The following SH3BP2 variants were observed in gnomAD, a reference collection of about 807,000 sequenced individuals.
SH3BP2 encodes the protein SH3 domain binding protein 2, also known as SH3 domain-binding protein 2.
A neutral mutation model predicts 56.2 loss-of-function variants in SH3BP2; 38 were observed. The observed-to-expected ratio is 0.68, with a 90% CI of 0.52 to 0.89. The LOEUF (loss-of-function observed/expected upper bound fraction) is 0.89, where lower values mean the gene tolerates loss of function less well. SH3BP2 is among the 40% of genes least tolerant of loss of function. The pLI is 0.00. For synonymous variants in SH3BP2, 346 were observed against 316.7 expected (o/e 1.09, Z -0.98); for missense variants, 748 against 762.6 (o/e 0.98, Z 0.23).
chr4:2,804,057 C>T (rs1366722566), intron 1 of SH3BP2, among the ~76,000 whole-genome samples: 3 of 152,292 alleles, frequency 2.0e-5, no homozygotes, highest in Non-Finnish European at 4.4e-5. Flanking sequence ...GCTGACCAGC[C>T]TCACCATGAC....
intron 10 of SH3BP2, 64 bp from the exon 11 acceptor site, chr4:2,832,267 G>C (rs1342534500): frequency 3.0e-6 from 4 of 1,350,886 alleles, no homozygotes; most frequent in Non-Finnish European, 4.3e-6. Flanking sequence ...GGAGCGGGGC[G>C]GGAAGGTCCG....
In SH3BP2 at chr4:2,839,264, G is replaced by C. The variant is rs1725338671; in HGVS notation, c.*5430G>C. 6.6e-6 allele frequency: 1 copy of C among 151,130 alleles called. No homozygotes were observed. The highest frequency in any genetic ancestry group is 2.1e-4 in the South Asian group (1 of 4,808). The allele number at this position is 151,130 out of a possible 1,614,324, so 9.4% of individuals were successfully genotyped here. A position where few individuals can be genotyped will look rare whatever the true frequency, so the allele number is the denominator to read the frequency against. On this transcript the variant is annotated 3_prime_UTR_variant, in exon 13 of 13. Transcript: ENST00000503393. Reference sequence around the variant, plus strand: ...TCAGCTCACTGCAGCCTTGAGTCAGGCTCAGGTGATTCTCTCACCTCAGCC... The same window carrying C: ...TCAGCTCACTGCAGCCTTGAGTCAGCCTCAGGTGATTCTCTCACCTCAGCC...
In SH3BP2 at chr4:2,840,244, A is replaced by G. The variant is rs893031333; in HGVS notation, c.*6410A>G. The G allele has an allele frequency of 6.6e-6, 1 of 151,598 alleles. No homozygotes were observed. The highest frequency in any genetic ancestry group is 2.4e-5 in the African/African-American group (1 of 41,270). The allele number at this position is 151,598 out of a possible 1,614,324, so 9.4% of individuals were successfully genotyped here. A position where few individuals can be genotyped will look rare whatever the true frequency, so the allele number is the denominator to read the frequency against. On this transcript the variant is annotated 3_prime_UTR_variant, in exon 13 of 13. Coordinates refer to ENST00000503393, the MANE Select transcript of SH3BP2 (RefSeq NM_001122681.2). ...TATCTCAAAAAAAACCAAAAAAAAA[A>G]AAAAAAAAAAGAAAACCACTGAAAT...
chr4:2,811,713 TG>T (rs1403394082), intron 1 of SH3BP2: 1 of 155,422 alleles, frequency 6.4e-6, no homozygotes, highest in Admixed American at 6.2e-5. Flanking sequence ...GTGAAAAGGC[TG>T]GGGATAGAGT....
intron 5 of SH3BP2, among the ~76,000 whole-genome samples, chr4:2,826,075 C>T (rs1724598448): frequency 6.6e-6 from 1 of 152,250 alleles, no homozygotes; most frequent in South Asian, 2.1e-4. Flanking sequence ...CAGCCTCGGG[C>T]CCAGCCCAGA....
intron 1 of SH3BP2, among the ~76,000 whole-genome samples, chr4:2,802,712 T>TAC (rs1247512327): frequency 3.6e-5 from 5 of 138,856 alleles, no homozygotes; most frequent in South Asian, 4.3e-4. Flanking sequence ...TATATCTATA[T>TAC]ACACACACAC....
intron 1 of SH3BP2, chr4:2,809,661 C>A: frequency 3.1e-6 from 1 of 322,318 alleles, no homozygotes; most frequent in Non-Finnish European, 4.5e-6. Flanking sequence ...GGTGCCAGGG[C>A]AGGGTCAGCT....
At position 2,838,131 on chromosome 4, in the gene SH3BP2, A is replaced by G. The variant is rs1725298287; in HGVS notation, c.*4297A>G. The G allele has an allele frequency of 6.6e-6, 1 of 152,248 alleles. No homozygotes were observed. Among genetic ancestry groups the G allele is most frequent in the Non-Finnish European group, 1.5e-5 (1 of 68,054 alleles). The allele number at this position is 152,248 out of a possible 1,614,324, so 9.4% of individuals were successfully genotyped here. On this transcript the variant is annotated 3_prime_UTR_variant, in exon 13 of 13. Transcript: ENST00000503393. ...CCCTTTTTCATTCATTTCCTGCAGA[A>G]TAAAACAACATACAGAAAAGTGAAT...
rs1200148274 is a variant in SH3BP2, at chr4:2,837,029, A to C, written c.*3195A>C. On this transcript the variant is annotated 3_prime_UTR_variant, in exon 13 of 13. Coordinates refer to ENST00000503393, the MANE Select transcript of SH3BP2 (RefSeq NM_001122681.2). ...AGCCCCGTGCCTTCAGTTAATAAAG[A>C]TTTGTATTGTGAAAAGATTTTTTCT... 6.6e-6 allele frequency: 1 copy of C among 151,872 alleles called. No homozygotes were observed. The highest frequency in any genetic ancestry group is 1.5e-5 in the Non-Finnish European group (1 of 68,018). The allele number at this position is 151,872 out of a possible 1,614,324, so 9.4% of individuals were successfully genotyped here.
At chr4:2,798,899 A>G in intron 1 of SH3BP2, 3 of 846,360 alleles carry the variant, frequency 3.5e-6, no homozygotes, top group South Asian at 1.1e-4. Context: ...GGGCAGGGAC[A>G]GGAAGTGCAG....
Position 2,830,058 on chromosome 4 carries a change from G to T in SH3BP2, c.1152G>T (p.Arg384=). Residue 384 remains arginine, a synonymous_variant, in exon 8 of 13, where the codon CGG becomes CGT. Coordinates refer to ENST00000503393, the MANE Select transcript of SH3BP2 (RefSeq NM_001122681.2). The part of the protein sequence containing the change: ...PGLFVPPVAP[R]PPALKLPVPE... ...TCTTTGTGCCCCCCGTGGCTCCCCG[G>T]CCTCCTGCGCTGAAGCTGCCAGTGC... The T allele has an allele frequency of 6.2e-7, 1 of 1,611,634 alleles. No individual in the cohort carries two copies.
intron 1 of SH3BP2, among the ~76,000 whole-genome samples, chr4:2,795,980 C>G (rs1405428944): frequency 6.6e-6 from 1 of 152,184 alleles, no homozygotes; most frequent in Non-Finnish European, 1.5e-5. Flanking sequence ...GCATTTCAGG[C>G]TCACTGGCTG....
chr4:2,813,012 G>A (rs2108714830), intron 1 of SH3BP2, among the ~76,000 whole-genome samples: 1 of 152,322 alleles, frequency 6.6e-6, no homozygotes, highest in African/African-American at 2.4e-5. Flanking sequence ...TGTGCTCGCA[G>A]AGCCCAGGCT....
chr4:2,820,312 C>T (rs148780447), intron 1 of SH3BP2, among the ~76,000 whole-genome samples: 6 of 152,310 alleles, frequency 3.9e-5, no homozygotes, highest in South Asian at 2.1e-4. Context: ...TGGGGCCTTG[C>T]GCTCAGTGGC....
chr4:2,832,563 C>T (rs1725048427), intron 11 of SH3BP2, 151 bp downstream of exon 11: 1 of 721,166 alleles, frequency 1.4e-6, no homozygotes, highest in Non-Finnish European at 2.5e-6. Context: ...CAGCACCCCC[C>T]AATCTATTCC....
At chr4:2,802,590 GTTTGTATATA>G (rs1272897684) in intron 1 of SH3BP2, among the ~76,000 whole-genome samples, 2 of 130,066 alleles carry the variant, frequency 1.5e-5, no homozygotes, top group African/African-American at 3.3e-5. Context: ...GTATATATAT[GTTTGTATATA>G]TGTGTATATA....
At chr4:2,802,781 C>CTTA in intron 1 of SH3BP2, among the ~76,000 whole-genome samples, 1 of 152,032 alleles carries the variant, frequency 6.6e-6, no homozygotes, top group East Asian at 1.9e-4. Flanking sequence ...AAAGACCTAA[C>CTTA]CCTCAAGTGC....
Position 2,829,754 on chromosome 4 carries a change from G to C in SH3BP2, c.848G>C (p.Ser283Thr). The C allele has an allele frequency of 6.2e-7, 1 of 1,612,960 alleles. No homozygotes were observed. The highest frequency in any genetic ancestry group is 1.1e-5 in the South Asian group (1 of 91,062). ...TPRRMSDPPL[S>T]TMPTAPGLRK... ...CGAAGGATGAGCGATCCCCCTCTGA[G>C]CACCATGCCCACCGCACCCGGCCTC... The change falls in exon 8 of 13, where the codon AGC becomes ACC. Residue 283 changes from serine (S) to threonine (T), a missense_variant. Coordinates refer to ENST00000503393, the MANE Select transcript of SH3BP2 (RefSeq NM_001122681.2). This position sits in a 1 kb window ranked among gnomAD's most constrained non-coding sequence, Gnocchi z 4.9.
chr4:2,809,756 G>T (rs1046506260), intron 1 of SH3BP2: 8 of 984,178 alleles, frequency 8.1e-6, no homozygotes, highest in East Asian at 1.1e-4. Context: ...CCCAGTGAAA[G>T]CTCCCTCCCT....
Sources: gnomAD v4.1 joint callset for allele counts (sites outside exome capture counted in the v4.1 genomes callset) on GRCh38, gnomAD v4.1.1 for gene constraint, Gnocchi (gnomAD v3.1) non-coding constraint, MANE v1.5 for transcripts, NCBI Gene and HGNC (gene_info 2026-07-23, HGNC 2026-07-21) for gene names.